Variants in NFX1 observed in about 807,000 individuals in gnomAD.
The protein encoded by NFX1 is transcriptional repressor NF-X1.
NFX1 carries 69 observed loss-of-function variants against 137.2 expected under a neutral mutation model. The observed-to-expected ratio is 0.50, with a 90% CI of 0.41 to 0.61. The LOEUF (loss-of-function observed/expected upper bound fraction) is 0.61, where lower values mean the gene tolerates loss of function less well. Ranked by LOEUF, NFX1 falls within the 20% of genes least tolerant of loss-of-function variation. The probability of loss-of-function intolerance (pLI) is 0.00; values close to 1 mark genes in which losing one functional copy is unlikely to be tolerated. For missense variants in NFX1, 1,167 were observed against 1,391.0 expected, an observed-to-expected ratio of 0.84 and a Z score of 2.56; for synonymous variants, 495 against 474.1, an observed-to-expected ratio of 1.04 and a Z score of -0.57.
At chr9:33,312,669 G>A (rs570953205) in intron 6 of NFX1, among the ~76,000 whole-genome samples, 115 of 152,266 alleles carry the variant, frequency 7.6e-4, no homozygotes, top group Middle Eastern at 3.4e-3. Context: ...TTAAGAGTTC[G>A]AGACCAGGTG....
At chr9:33,343,999 G>A (rs948761294) in intron 13 of NFX1, 70 bp from the exon 14 acceptor site, 2 of 1,593,202 alleles carry the variant, frequency 1.3e-6, no homozygotes, top group Non-Finnish European at 1.7e-6. Context: ...GTGTGTTTGT[G>A]TGTGTTAGTA....
intron 14 of NFX1, among the ~76,000 whole-genome samples, chr9:33,345,174 GAAAA>G: frequency 5.2e-5 from 2 of 38,212 alleles, no homozygotes; most frequent in Non-Finnish European, 2.2e-4. Context: ...AAAAAGAAAA[GAAAA>G]AGAAAAAGAA....
chr9:33,311,877 TA>T (rs1322614966), intron 6 of NFX1, among the ~76,000 whole-genome samples: 7 of 151,980 alleles, frequency 4.6e-5, no homozygotes, highest in African/African-American at 1.7e-4. Context: ...TTAACCTCTC[TA>T]AGTGGGTGAC....
At chr9:33,369,654 G>A (rs1236421964) in intron 23 of NFX1, among the ~76,000 whole-genome samples, 1 of 152,058 alleles carries the variant, frequency 6.6e-6, no homozygotes, top group Non-Finnish European at 1.5e-5. Context: ...CCTCTAAACT[G>A]TAAAGTGTAA....
At chr9:33,358,057 G>A (rs976168494) in intron 19 of NFX1, among the ~76,000 whole-genome samples, 2 of 151,884 alleles carry the variant, frequency 1.3e-5, no homozygotes, top group African/African-American at 4.8e-5. Context: ...TATAAATTTT[G>A]TATTCTTTCA....
chr9:33,301,096 T>G (rs1419721540), intron 2 of NFX1, among the ~76,000 whole-genome samples, 167 bp from the exon 3 acceptor site: 2 of 152,222 alleles, frequency 1.3e-5, no homozygotes, highest in African/African-American at 4.8e-5. Flanking sequence ...TGCCCCTTTT[T>G]GGCCTCAGTC....
intron 12 of NFX1, among the ~76,000 whole-genome samples, chr9:33,339,580 A>G (rs1823142742): frequency 6.6e-6 from 1 of 152,120 alleles, no homozygotes; most frequent in Non-Finnish European, 1.5e-5. Flanking sequence ...AAAACCAATC[A>G]TGCCTTTCCA....
At chr9:33,297,185 A>G (rs1455831429) in intron 2 of NFX1, among the ~76,000 whole-genome samples, 9 of 152,152 alleles carry the variant, frequency 5.9e-5, no homozygotes, top group Admixed American at 1.3e-4. Context: ...CCCTAAGTGT[A>G]TATTTCATCA....
At chr9:33,323,405 G>A (rs901870871) in intron 9 of NFX1, among the ~76,000 whole-genome samples, 2 of 152,314 alleles carry the variant, frequency 1.3e-5, no homozygotes, top group Admixed American at 6.5e-5. Context: ...ACTGCCTTGT[G>A]AGAGTGACCA....
chr9:33,367,981 C>G (rs7872396), intron 23 of NFX1, among the ~76,000 whole-genome samples: 3,247 of 152,270 alleles, frequency 0.021, 133 homozygotes, highest in African/African-American at 0.074. Flanking sequence ...CGCCTGTAAT[C>G]CCAGCACTTT....
At chr9:33,316,852 T>C (rs1395238013) in intron 7 of NFX1, among the ~76,000 whole-genome samples, 1 of 152,174 alleles carries the variant, frequency 6.6e-6, no homozygotes, top group East Asian at 1.9e-4. Context: ...TTTACTCAGA[T>C]TTTTTCATCA....
chr9:33,296,161 G>T (rs776020166), intron 2 of NFX1, among the ~76,000 whole-genome samples: 13 of 152,082 alleles, frequency 8.5e-5, no homozygotes, highest in Non-Finnish European at 1.3e-4. Context: ...TTCTGACCTC[G>T]GGTGATCCGC....
intron 12 of NFX1, among the ~76,000 whole-genome samples, chr9:33,340,057 C>T (rs1309406363): frequency 6.6e-6 from 1 of 152,228 alleles, no homozygotes; most frequent in Admixed American, 6.5e-5. Flanking sequence ...GTCTGGAGGA[C>T]AGTGGCCTTC....
intron 2 of NFX1, among the ~76,000 whole-genome samples, chr9:33,300,597 T>C (rs1821522620): frequency 6.6e-6 from 1 of 152,138 alleles, no homozygotes; most frequent in South Asian, 2.1e-4. Context: ...TGCAATTGTG[T>C]TTGAGGAAAA....
Position 33,294,292 on chromosome 9 carries a change from GTTC to G in NFX1, c.26-125_26-123del, listed in dbSNP as rs1190167588. 4 of 855,908 alleles carry G rather than the reference GTTC, an allele frequency of 4.7e-6. No individual in the cohort carries two copies. In the African/African-American group the frequency reaches 6.7e-5, roughly 14 times the overall value. 53.0% of individuals were successfully genotyped at this position (855,908 alleles called of 1,614,324 possible). A position where few individuals can be genotyped will look rare whatever the true frequency, so the allele number is the denominator to read the frequency against. ...ACCCATCACCTTCACTGGAAACATA[GTTC>G]TTACTTAACAGCATGTTTTATACAA... On this transcript the variant is annotated intron_variant, in intron 1 of 23. Coordinates refer to ENST00000379540, the MANE Select transcript of NFX1 (RefSeq NM_002504.6).
chr9:33,321,548 G>T (rs1465339764), intron 9 of NFX1, among the ~76,000 whole-genome samples: 4 of 152,112 alleles, frequency 2.6e-5, no homozygotes, highest in Non-Finnish European at 5.9e-5. Context: ...CTGCTTCCCA[G>T]TAAAGCAAAC....
chr9:33,368,242 A>T (rs1191229467), intron 23 of NFX1, among the ~76,000 whole-genome samples: 2 of 152,156 alleles, frequency 1.3e-5, no homozygotes, highest in Non-Finnish European at 2.9e-5. Flanking sequence ...ATCTCAAAAA[A>T]AAAAGAATAG....
At chr9:33,346,888 G>A (rs1236655343) in intron 14 of NFX1, 150 bp from the exon 15 acceptor site, 9 of 520,530 alleles carry the variant, frequency 1.7e-5, no homozygotes, top group African/African-American at 3.9e-5. Context: ...ATAAAGCAAG[G>A]TACTTTTTAC....
Position 33,290,569 on chromosome 9 carries a change from C to T in NFX1, c.-4C>T, listed in dbSNP as rs1245986053. On this transcript the variant is annotated 5_prime_UTR_variant, in exon 1 of 24. It adds an upstream start codon to the 5' untranslated region. Transcript: ENST00000379540. ...ACAGCTCGATCTAGGTTCTGCGGCA[C>T]GGGATGGCGGAGGCGCCTCCTGTCT... 15 of 1,613,852 alleles carry T rather than the reference C, an allele frequency of 9.3e-6. No individual in the cohort carries two copies. The highest frequency in any genetic ancestry group is 1.3e-5 in the African/African-American group (1 of 74,928).
Sources: allele counts gnomAD v4.1 joint callset (sites outside exome capture counted in the v4.1 genomes callset), GRCh38; gene constraint gnomAD v4.1.1; transcripts MANE v1.5; gene names NCBI Gene and HGNC (gene_info 2026-07-23, HGNC 2026-07-21).